The following MAPK10 variants were observed in gnomAD, a reference collection of about 807,000 sequenced individuals.
MAPK10 encodes JNK3 alpha protein kinase.
A neutral mutation model predicts 59.3 loss-of-function variants in MAPK10; 25 were observed. The ratio of observed to expected loss-of-function variants is 0.42; its 90% CI spans 0.31 to 0.59. The LOEUF (loss-of-function observed/expected upper bound fraction) is 0.59. MAPK10 is among the 20% of genes least tolerant of loss of function. MAPK10 has a pLI of 0.15. For missense variants in MAPK10, 351 were observed against 568.9 expected, an observed-to-expected ratio of 0.62 and a Z score of 3.90; for synonymous variants, 190 against 200.5, an observed-to-expected ratio of 0.95 and a Z score of 0.44.
At chr4:86,229,289 T>C (rs1190101129) in intron 2 of MAPK10, among the ~76,000 whole-genome samples, 1 of 152,140 alleles carries the variant, frequency 6.6e-6, no homozygotes, top group African/African-American at 2.4e-5. Context: ...TTATACACCA[T>C]TAAAATATTA....
intron 1 of MAPK10, among the ~76,000 whole-genome samples, chr4:86,532,079 T>C (rs1037413204): frequency 1.4e-5 from 2 of 147,532 alleles, no homozygotes; most frequent in Non-Finnish European, 3.0e-5. Flanking sequence ...TTTTTATATA[T>C]ATACATATAT....
intron 1 of MAPK10, among the ~76,000 whole-genome samples, chr4:86,582,365 C>G (rs576004444): frequency 2.6e-5 from 4 of 152,128 alleles, no homozygotes; most frequent in African/African-American, 9.6e-5. Context: ...TAAATACATG[C>G]TATTTAGAAA....
At chr4:86,402,589 A>G (rs1340685288) in intron 1 of MAPK10, among the ~76,000 whole-genome samples, 1 of 152,190 alleles carries the variant, frequency 6.6e-6, no homozygotes, top group African/African-American at 2.4e-5. Context: ...GGTTGATAAG[A>G]CAGGATAAAA....
intron 1 of MAPK10, among the ~76,000 whole-genome samples, chr4:86,514,062 T>G (rs942719023): frequency 4.6e-5 from 7 of 152,104 alleles, no homozygotes; most frequent in African/African-American, 1.7e-4. Flanking sequence ...AGTGACGCTT[T>G]GGAGAAAGAT....
chr4:86,389,218 C>G (rs1440545600), intron 1 of MAPK10, among the ~76,000 whole-genome samples: 1 of 152,120 alleles, frequency 6.6e-6, no homozygotes, highest in Non-Finnish European at 1.5e-5. Flanking sequence ...CTCACTCCCC[C>G]TTTGCCTTCC....
At chr4:86,207,765 C>T (rs2084532948) in intron 2 of MAPK10, among the ~76,000 whole-genome samples, 1 of 152,048 alleles carries the variant, frequency 6.6e-6, no homozygotes, top group African/African-American at 2.4e-5. Context: ...TCCTTCATGT[C>T]CCTTGTAAGT....
intron 1 of MAPK10, among the ~76,000 whole-genome samples, chr4:86,448,823 T>A (rs1750360457): frequency 1.3e-5 from 2 of 152,198 alleles, no homozygotes; most frequent in African/African-American, 2.4e-5. Context: ...CAACTCACCA[T>A]AATGTAATAT....
At chr4:86,436,477 G>A (rs1264931507) in intron 1 of MAPK10, among the ~76,000 whole-genome samples, 1 of 152,132 alleles carries the variant, frequency 6.6e-6, no homozygotes, top group African/African-American at 2.4e-5. Flanking sequence ...CATGGCAATC[G>A]ATGGTCATTT....
At chr4:86,228,550 C>A (rs2148658994) in intron 2 of MAPK10, among the ~76,000 whole-genome samples, 1 of 152,298 alleles carries the variant, frequency 6.6e-6, no homozygotes, top group Middle Eastern at 3.4e-3. Flanking sequence ...GAAGCCTTGC[C>A]AGATCACTCT....
chr4:86,110,253 G>A (rs1398715770), intron 4 of MAPK10, among the ~76,000 whole-genome samples: 1 of 151,688 alleles, frequency 6.6e-6, no homozygotes, highest in Admixed American at 6.6e-5. Context: ...GTCCTTTTTT[G>A]CTTTTGTTGC....
chr4:86,168,869 C>A (rs1170916193), intron 3 of MAPK10, among the ~76,000 whole-genome samples: 5 of 152,156 alleles, frequency 3.3e-5, no homozygotes, highest in Non-Finnish European at 2.9e-5. Flanking sequence ...GACAAAACTT[C>A]CAGAGGAACG....
intron 3 of MAPK10, among the ~76,000 whole-genome samples, chr4:86,169,813 A>G (rs985121441): frequency 2.9e-4 from 44 of 152,134 alleles, no homozygotes; most frequent in Non-Finnish European, 5.4e-4. Flanking sequence ...GCAGCCAGAG[A>G]GAAAGGTCGG....
rs183182326 is a variant in MAPK10 at position 86,169,562 on chromosome 4, C to T, written c.67-10095G>A. On this transcript the variant is annotated intron_variant, in intron 3 of 13. Transcript: ENST00000641462. ...AAAGCCTCCAAGAAATATGGGACTA[C>T]GTGAAAAGACCAAATCTACATCTGA... Among the ~76,000 whole-genome samples the T allele has an allele frequency of 6.9e-3, 1,050 of 152,118 alleles. 18 individuals carry two copies. Among genetic ancestry groups the T allele is most frequent in the East Asian group, 0.049 (255 of 5,164 alleles).
chr4:86,315,305 T>C (rs2095759302), intron 2 of MAPK10, among the ~76,000 whole-genome samples: 1 of 151,870 alleles, frequency 6.6e-6, no homozygotes, highest in Admixed American at 6.6e-5. Flanking sequence ...TACAAAAAAA[T>C]AGTTAGAAAA....
chr4:86,211,183 C>A (rs1278084516), intron 2 of MAPK10, among the ~76,000 whole-genome samples: 1 of 151,844 alleles, frequency 6.6e-6, no homozygotes, highest in African/African-American at 2.4e-5. Context: ...GAAATAATTG[C>A]CAAAACTTCC....
chr4:86,182,509 CA>C (rs35757767), intron 3 of MAPK10, among the ~76,000 whole-genome samples: 1 of 151,910 alleles, frequency 6.6e-6, no homozygotes, highest in Non-Finnish European at 1.5e-5. Flanking sequence ...GTCTGTTGGG[CA>C]AAAAGTTGAG....
At chr4:86,105,187 T>C (rs901483529) in intron 5 of MAPK10, among the ~76,000 whole-genome samples, 2 of 152,146 alleles carry the variant, frequency 1.3e-5, no homozygotes, top group South Asian at 2.1e-4. Context: ...TTCACTATTA[T>C]TAAAGATTTA....
intron 2 of MAPK10, among the ~76,000 whole-genome samples, chr4:86,330,197 GT>G (rs1353822595): frequency 2.6e-5 from 4 of 152,122 alleles, no homozygotes; most frequent in Non-Finnish European, 5.9e-5. Flanking sequence ...CTTGTTTTCA[GT>G]TTTTTTGTGT....
At chr4:86,394,915 G>A (rs1742714285) in intron 1 of MAPK10, among the ~76,000 whole-genome samples, 1 of 152,178 alleles carries the variant, frequency 6.6e-6, no homozygotes, top group African/African-American at 2.4e-5. Context: ...AAACTCAGCT[G>A]CTCTAGCGGC....
Sources: allele counts gnomAD v4.1 joint callset (sites outside exome capture counted in the v4.1 genomes callset), GRCh38; gene constraint gnomAD v4.1.1; transcripts MANE v1.5; gene names NCBI Gene and HGNC (gene_info 2026-07-23, HGNC 2026-07-21).